The following CA10 variants were observed in gnomAD, a reference collection of about 807,000 sequenced individuals.
CA10 encodes carbonic anhydrase 10 (inactive).
CA10 carries 14 observed loss-of-function variants against 44.2 expected under a neutral mutation model. The ratio of observed to expected loss-of-function variants is 0.32; its 90% confidence interval spans 0.21 to 0.50. The LOEUF (loss-of-function observed/expected upper bound fraction) is 0.50. Among genes scored for constraint, CA10 ranks in the 20% least tolerant of loss-of-function variants. The pLI, the probability that CA10 is intolerant of heterozygous loss-of-function variation, is 0.99. For synonymous variants in CA10, 159 were observed against 141.6 expected, an observed-to-expected ratio of 1.12 and a Z score of -0.87; for missense variants, 350 against 409.7, an observed-to-expected ratio of 0.85 and a Z score of 1.26.
intron 3 of CA10, among the ~76,000 whole-genome samples, chr17:51,836,789 C>A (rs1908493053): frequency 6.6e-6 from 1 of 151,942 alleles, no homozygotes; most frequent in African/African-American, 2.4e-5. Flanking sequence ...AGGAGGGAGG[C>A]AATTGATGGG....
At chr17:52,115,005 C>A (rs1988862424) in intron 1 of CA10, among the ~76,000 whole-genome samples, 1 of 152,192 alleles carries the variant, frequency 6.6e-6, no homozygotes, top group African/African-American at 2.4e-5. Context: ...TGACCTGCCC[C>A]ACAAGTGTTT....
chr17:51,982,866 CTGTT>C (rs1040549098), intron 2 of CA10, among the ~76,000 whole-genome samples: 4 of 151,836 alleles, frequency 2.6e-5, no homozygotes, highest in Middle Eastern at 3.2e-3. Flanking sequence ...TGTCAAATAA[CTGTT>C]TGATGAGGGA....
intron 1 of CA10, among the ~76,000 whole-genome samples, chr17:52,147,218 T>C (rs1989607651): frequency 6.6e-6 from 1 of 152,200 alleles, no homozygotes; most frequent in African/African-American, 2.4e-5. Flanking sequence ...ATTTTTTTCA[T>C]AATATTTTAT....
chr17:52,059,690 GAAAAA>G (rs910608711), intron 2 of CA10, among the ~76,000 whole-genome samples: 1 of 151,458 alleles, frequency 6.6e-6, no homozygotes, highest in Non-Finnish European at 1.5e-5. Context: ...AAGTGCTAAA[GAAAAA>G]AAAAAAAGAA....
At chr17:51,786,519 T>C (rs1319635646) in intron 3 of CA10, among the ~76,000 whole-genome samples, 1 of 152,212 alleles carries the variant, frequency 6.6e-6, no homozygotes, top group Non-Finnish European at 1.5e-5. Flanking sequence ...GCCACTGCAC[T>C]GCAGCCTGCG....
intron 2 of CA10, among the ~76,000 whole-genome samples, chr17:52,032,020 T>C (rs968277900): frequency 1.3e-5 from 2 of 152,008 alleles, no homozygotes; most frequent in Non-Finnish European, 2.9e-5. Context: ...TACACACAAA[T>C]AAAAATCGAG....
intron 3 of CA10, among the ~76,000 whole-genome samples, chr17:51,852,275 C>T (rs957411796): frequency 2.6e-5 from 4 of 152,118 alleles, no homozygotes; most frequent in Non-Finnish European, 4.4e-5. Context: ...TCAGCTGCAC[C>T]GAGTCAGAGG....
At chr17:51,661,421 G>A (rs1286456113) in intron 4 of CA10, among the ~76,000 whole-genome samples, 2 of 152,120 alleles carry the variant, frequency 1.3e-5, no homozygotes, top group Non-Finnish European at 2.9e-5. Flanking sequence ...GCAAAGCCTG[G>A]TTTCACCCTT....
intron 3 of CA10, among the ~76,000 whole-genome samples, chr17:51,828,635 C>T (rs1908121067): frequency 6.6e-6 from 1 of 152,122 alleles, no homozygotes. Flanking sequence ...CAGTAAATTC[C>T]ACCATTGAAA....
intron 4 of CA10, among the ~76,000 whole-genome samples, chr17:51,659,582 C>T (rs193053566): frequency 1.2e-4 from 18 of 152,282 alleles, no homozygotes; most frequent in South Asian, 2.1e-4. Context: ...AAACCATAGA[C>T]GCCCAGTACA....
chr17:51,753,886 C>T (rs1567828341), intron 3 of CA10, among the ~76,000 whole-genome samples: 1 of 152,146 alleles, frequency 6.6e-6, no homozygotes, highest in African/African-American at 2.4e-5. Flanking sequence ...CTCTGTCGCC[C>T]AGGCTGGAGT....
chr17:51,927,928 G>A (rs1001402706), intron 3 of CA10, among the ~76,000 whole-genome samples: 4 of 152,110 alleles, frequency 2.6e-5, no homozygotes, highest in Non-Finnish European at 4.4e-5. Flanking sequence ...TGTAGCAATT[G>A]GATGTTAAAT....
chr17:52,027,428 T>A (rs1238131995), intron 2 of CA10, among the ~76,000 whole-genome samples: 1 of 152,162 alleles, frequency 6.6e-6, no homozygotes, highest in Non-Finnish European at 1.5e-5. Context: ...GGCTTTCTTC[T>A]TGGAATCCCC....
At chr17:51,870,965 C>T (rs767191267) in intron 3 of CA10, among the ~76,000 whole-genome samples, 1 of 152,080 alleles carries the variant, frequency 6.6e-6, no homozygotes, top group Non-Finnish European at 1.5e-5. Context: ...TGTACCCTCA[C>T]CCTTCAGACA....
intron 3 of CA10, among the ~76,000 whole-genome samples, chr17:51,874,960 CTTTT>C (rs71149382): frequency 0.33 from 27,604 of 82,558 alleles, 3,056 homozygotes; most frequent in East Asian, 0.46. Context: ...GTTTTTTTTT[CTTTT>C]TTTTCTTTTC....
Position 51,731,118 on chromosome 17 carries a change from C to T in CA10, c.465+16515G>A, listed in dbSNP as rs143422131. Among the ~76,000 whole-genome samples, 881 of 152,282 alleles carry T rather than the reference C, an allele frequency of 5.8e-3. 5 individuals carry two copies. Among genetic ancestry groups the T allele is most frequent in the African/African-American group, 0.02 (836 of 41,570 alleles). The stretch of plus-strand genomic sequence containing the variant: ...ATGGGGCCAGGCACAGTGGCTTATG[C>T]CTGTAATCCCAGCACTTTGGGAGGC... On this transcript the variant is annotated intron_variant, in intron 4 of 8. Coordinates refer to ENST00000451037, the MANE Select transcript of CA10 (RefSeq NM_020178.5).
At chr17:52,035,131 C>T (rs1221775308) in intron 2 of CA10, among the ~76,000 whole-genome samples, 2 of 152,098 alleles carry the variant, frequency 1.3e-5, no homozygotes, top group Non-Finnish European at 2.9e-5. Flanking sequence ...GAAATTCTAT[C>T]GCTGTTTTTC....
intron 3 of CA10, among the ~76,000 whole-genome samples, chr17:51,876,345 CTTTTT>C (rs767472733): frequency 8.1e-6 from 1 of 123,668 alleles, no homozygotes; most frequent in African/African-American, 3.1e-5. Flanking sequence ...TTTTTTTCAT[CTTTTT>C]TTTTTTTTTT....
chr17:51,676,884 C>A (rs1294034505), intron 4 of CA10, among the ~76,000 whole-genome samples: 1 of 152,062 alleles, frequency 6.6e-6, no homozygotes, highest in Non-Finnish European at 1.5e-5. Flanking sequence ...TCTTCTTTAC[C>A]ACCCAGGCCA....
Sources: gnomAD v4.1 joint callset for allele counts (sites outside exome capture counted in the v4.1 genomes callset) on GRCh38, gnomAD v4.1.1 for gene constraint, MANE v1.5 for transcripts, NCBI Gene and HGNC (gene_info 2026-07-23, HGNC 2026-07-21) for gene names.